Variants in GRM7 observed in about 807,000 individuals in gnomAD.
GRM7 encodes metabotropic glutamate receptor 7.
In GRM7, 35 loss-of-function variants were observed where a neutral mutation model predicts 84.5. That is an observed-to-expected ratio of 0.41 (90% CI 0.32 to 0.55). The LOEUF is 0.55. Ranked by LOEUF, GRM7 falls within the 20% of genes least tolerant of loss-of-function variation. The probability of loss-of-function intolerance (pLI) is 0.19; values close to 1 mark genes in which losing one functional copy is unlikely to be tolerated. For synonymous variants in GRM7, 487 were observed against 455.1 expected (o/e 1.07, Z -0.89); for missense variants, 1,003 against 1,194.6 (o/e 0.84, Z 2.36).
At chr3:7,199,075 G>A (rs1695978118) in intron 2 of GRM7, among the ~76,000 whole-genome samples, 1 of 152,162 alleles carries the variant, frequency 6.6e-6, no homozygotes, top group East Asian at 1.9e-4. Context: ...CTCCCTTCCT[G>A]TCAGTGGGAA....
chr3:7,620,364 C>T (rs942017686), intron 8 of GRM7, among the ~76,000 whole-genome samples: 10 of 151,994 alleles, frequency 6.6e-5, no homozygotes, highest in Non-Finnish European at 1.3e-4. Context: ...TCTATTTGCT[C>T]AACTAAATAC....
chr3:7,473,210 G>A (rs1698772881), intron 7 of GRM7, among the ~76,000 whole-genome samples: 1 of 152,154 alleles, frequency 6.6e-6, no homozygotes, highest in African/African-American at 2.4e-5. Flanking sequence ...GCTCACACCT[G>A]TAATCCTAGC....
chr3:7,300,036 T>C (rs1305804415), intron 3 of GRM7, among the ~76,000 whole-genome samples: 2 of 151,846 alleles, frequency 1.3e-5, no homozygotes, highest in Admixed American at 6.6e-5. Flanking sequence ...TTAAAAAATT[T>C]CTAAGACAAA....
intron 1 of GRM7, among the ~76,000 whole-genome samples, chr3:6,938,117 C>G (rs562163629): frequency 6.6e-6 from 1 of 152,206 alleles, no homozygotes; most frequent in Non-Finnish European, 1.5e-5. Context: ...TTTAGGCCTT[C>G]ATTCCAATAG....
At chr3:7,130,882 G>A (rs1693572610) in intron 1 of GRM7, among the ~76,000 whole-genome samples, 1 of 151,988 alleles carries the variant, frequency 6.6e-6, no homozygotes, top group African/African-American at 2.4e-5. Context: ...GAACCTACCA[G>A]GCTACTCCAG....
intron 2 of GRM7, among the ~76,000 whole-genome samples, chr3:7,276,488 C>T (rs1397281387): frequency 1.3e-5 from 2 of 151,828 alleles, no homozygotes; most frequent in African/African-American, 2.4e-5. Context: ...AGGAATTATT[C>T]TTCAGTTTAC....
At chr3:7,191,234 A>G (rs1695701633) in intron 2 of GRM7, among the ~76,000 whole-genome samples, 1 of 152,056 alleles carries the variant, frequency 6.6e-6, no homozygotes, top group Non-Finnish European at 1.5e-5. Flanking sequence ...CTCCTTTGTA[A>G]TAACTGTGAA....
chr3:7,412,089 A>C (rs973360448), intron 4 of GRM7, among the ~76,000 whole-genome samples: 1 of 148,676 alleles, frequency 6.7e-6, no homozygotes, highest in Non-Finnish European at 1.5e-5. Flanking sequence ...CTTTTTATTA[A>C]TTGCTTCATT....
intron 1 of GRM7, among the ~76,000 whole-genome samples, chr3:6,999,441 C>T (rs1382852677): frequency 1.3e-5 from 2 of 152,126 alleles, no homozygotes; most frequent in Admixed American, 1.3e-4. Context: ...CTTTGGAGCC[C>T]TCTAAACTGT....
At chr3:7,154,315 A>G (rs1157789548) in intron 2 of GRM7, among the ~76,000 whole-genome samples, 3 of 152,188 alleles carry the variant, frequency 2.0e-5, no homozygotes, top group Non-Finnish European at 4.4e-5. Flanking sequence ...TCAGATGTTT[A>G]TCTTCCTAAT....
intron 2 of GRM7, among the ~76,000 whole-genome samples, chr3:7,164,435 T>C (rs979619471): frequency 5.9e-5 from 9 of 152,202 alleles, no homozygotes; most frequent in African/African-American, 2.2e-4. Context: ...CTTGCATTGG[T>C]GAAGGAACAA....
At chr3:7,368,996 C>T (rs1694024395) in intron 4 of GRM7, among the ~76,000 whole-genome samples, 1 of 160 alleles carries the variant, frequency 6.3e-3, no homozygotes, top group African/African-American at 0.033. Flanking sequence ...ACCTTTAATT[C>T]TTCAGTTGTT....
At chr3:7,145,631 A>C (rs1694083460) in intron 1 of GRM7, among the ~76,000 whole-genome samples, 1 of 152,148 alleles carries the variant, frequency 6.6e-6, no homozygotes, top group African/African-American at 2.4e-5. Context: ...TTTTTTTTCA[A>C]GGGGCCTGTG....
chr3:7,505,901 G>T (rs1479906261), intron 7 of GRM7, among the ~76,000 whole-genome samples: 1 of 152,122 alleles, frequency 6.6e-6, no homozygotes, highest in African/African-American at 2.4e-5. Context: ...GGCTTTCTTT[G>T]ATCCATACTA....
intron 2 of GRM7, among the ~76,000 whole-genome samples, chr3:7,161,215 A>G (rs1300423759): frequency 6.6e-6 from 1 of 151,982 alleles, no homozygotes; most frequent in African/African-American, 2.4e-5. Flanking sequence ...CACCACCAAG[A>G]TAGATCCAGG....
chr3:7,097,888 A>C (rs554803034), intron 1 of GRM7, among the ~76,000 whole-genome samples: 1 of 152,092 alleles, frequency 6.6e-6, no homozygotes, highest in African/African-American at 2.4e-5. Flanking sequence ...CATACCTTTG[A>C]CTTGCAGAAA....
At chr3:6,944,880 C>A (rs1363519340) in intron 1 of GRM7, among the ~76,000 whole-genome samples, 1 of 151,984 alleles carries the variant, frequency 6.6e-6, no homozygotes, top group African/African-American at 2.4e-5. Flanking sequence ...ATTAAGTGAG[C>A]CCTTTTAACA....
rs140996499 is a variant in GRM7 at position 7,377,364 on chromosome 3, T to A, written c.1034-37659T>A. On this transcript the variant is annotated intron_variant, in intron 4 of 9. Transcript: ENST00000357716. ...TGCTACTCTGTAAGTGTGGGCACAC[T>A]ATTTTGTTTATCTGAAACTGAATCT... Among the ~76,000 whole-genome samples, 475 of 152,344 alleles carry A rather than the reference T, an allele frequency of 3.1e-3. 2 individuals are homozygous for A. The highest frequency in any genetic ancestry group is 0.011 in the African/African-American group (466 of 41,574).
At chr3:6,884,945 G>A (rs1357998683) in intron 1 of GRM7, among the ~76,000 whole-genome samples, 2 of 152,138 alleles carry the variant, frequency 1.3e-5, no homozygotes, top group Non-Finnish European at 2.9e-5. Context: ...TGCCTTTAAG[G>A]ACTGCAGAAT....
Sources: allele counts gnomAD v4.1 joint callset (sites outside exome capture counted in the v4.1 genomes callset), GRCh38; gene constraint gnomAD v4.1.1; transcripts MANE v1.5; gene names NCBI Gene and HGNC (gene_info 2026-07-23, HGNC 2026-07-21).